RUNDC3B: variants seen among roughly 807,000 people sequenced by gnomAD.
The protein encoded by RUNDC3B is RUN domain containing 3B, also known as RUN domain-containing protein 3B.
Under a neutral mutation model 58.4 loss-of-function variants are expected in RUNDC3B, and 33 were observed. The observed-to-expected ratio is 0.56, with a 90% CI of 0.43 to 0.75. The LOEUF is 0.75. RUNDC3B is among the 30% of genes least tolerant of loss of function. The pLI is 0.00. For synonymous variants in RUNDC3B, 193 were observed against 195.2 expected, an observed-to-expected ratio of 0.99 and a Z score of 0.10; for missense variants, 501 against 535.7, an observed-to-expected ratio of 0.94 and a Z score of 0.64.
At chr7:87,748,285 G>T (rs935120000) in intron 6 of RUNDC3B, among the ~76,000 whole-genome samples, 4 of 152,144 alleles carry the variant, frequency 2.6e-5, no homozygotes, top group Non-Finnish European at 2.9e-5. Flanking sequence ...GGAGAGGCGG[G>T]GTTCTCCCTT....
intron 2 of RUNDC3B, among the ~76,000 whole-genome samples, chr7:87,660,240 G>A (rs1824552115): frequency 6.6e-6 from 1 of 152,064 alleles, no homozygotes. Flanking sequence ...GTGAGTGAGT[G>A]TATTTGTGTG....
chr7:87,657,286 AAAC>A (rs1033545768), intron 2 of RUNDC3B, among the ~76,000 whole-genome samples: 2 of 152,164 alleles, frequency 1.3e-5, no homozygotes, highest in East Asian at 1.9e-4. Flanking sequence ...AAAGGGAAAA[AAAC>A]AACAACAATG....
At chr7:87,829,803 C>G in intron 10 of RUNDC3B, 82 bp from the exon 11 acceptor site, 1 of 1,041,712 alleles carries the variant, frequency 9.6e-7, no homozygotes, top group Non-Finnish European at 1.4e-6. Context: ...ATTGATTCTT[C>G]CAATTTCTAA....
chr7:87,683,818 A>G (rs1285536111), intron 2 of RUNDC3B, among the ~76,000 whole-genome samples: 3 of 152,230 alleles, frequency 2.0e-5, no homozygotes, highest in African/African-American at 7.2e-5. Flanking sequence ...GCTGGATGCA[A>G]GGTTGACACA....
intron 4 of RUNDC3B, among the ~76,000 whole-genome samples, chr7:87,729,743 G>A (rs137873549): frequency 6.6e-6 from 1 of 152,306 alleles, no homozygotes; most frequent in African/African-American, 2.4e-5. Flanking sequence ...ACACCAGCTA[G>A]TGCAGCCAAG....
intron 3 of RUNDC3B, among the ~76,000 whole-genome samples, chr7:87,703,885 C>CTTTTTT: frequency 4.6e-4 from 28 of 60,272 alleles, no homozygotes; most frequent in African/African-American, 7.5e-4. Context: ...TCAGTTTTTT[C>CTTTTTT]TTTTTTTTTT....
chr7:87,690,537 A>T (rs1380067091), intron 2 of RUNDC3B, among the ~76,000 whole-genome samples: 3 of 152,198 alleles, frequency 2.0e-5, no homozygotes, highest in African/African-American at 7.2e-5. Context: ...AAGAAAAGTT[A>T]TATATAGTAC....
intron 6 of RUNDC3B, among the ~76,000 whole-genome samples, chr7:87,750,469 G>A (rs1309032832): frequency 2.0e-5 from 3 of 151,702 alleles, no homozygotes; most frequent in Admixed American, 2.0e-4. Context: ...CTTCCACAAT[G>A]GTTGAACTAG....
At chr7:87,634,638 GA>G (rs920354293) in intron 1 of RUNDC3B, among the ~76,000 whole-genome samples, 4 of 143,990 alleles carry the variant, frequency 2.8e-5, no homozygotes, top group Non-Finnish European at 4.6e-5. Context: ...AAAAAAAAAA[GA>G]AAAAAAAAAG....
At position 87,628,559 on chromosome 7, in the gene RUNDC3B, C is replaced by G; in HGVS notation, c.-265C>G. ...CGCAGCCCGGCAGTCGGCGGCGCGC[C>G]GAGGGCGGAGGTGGTGCGTGCGTGC... On this transcript the variant is annotated 5_prime_UTR_variant, in exon 1 of 11. Coordinates refer to ENST00000394654, the MANE Select transcript of RUNDC3B (RefSeq NM_001134405.2). 3.2e-6 allele frequency: 1 copy of G among 316,298 alleles called. No homozygotes were observed. The highest frequency in any genetic ancestry group is 5.7e-6 in the Non-Finnish European group (1 of 176,946). The allele number at this position is 316,298 out of a possible 1,614,324, so 19.6% of individuals were successfully genotyped here. A position where few individuals can be genotyped will look rare whatever the true frequency, so the allele number is the denominator to read the frequency against.
intron 4 of RUNDC3B, among the ~76,000 whole-genome samples, chr7:87,718,939 A>G (rs574197952): frequency 6.6e-6 from 1 of 152,098 alleles, no homozygotes; most frequent in Non-Finnish European, 1.5e-5. Context: ...TGTAGATGAT[A>G]AGGTTTTGTA....
intron 8 of RUNDC3B, among the ~76,000 whole-genome samples, chr7:87,794,366 C>T (rs866543251): frequency 2.0e-5 from 3 of 152,004 alleles, no homozygotes; most frequent in Admixed American, 1.3e-4. Context: ...ACCCAGGAGG[C>T]GGAGGTTTCA....
Position 87,830,651 on chromosome 7 carries a change from AG to A in RUNDC3B, c.*622del, listed in dbSNP as rs1170643731. On this transcript the variant is annotated 3_prime_UTR_variant, in exon 11 of 11. Transcript: ENST00000394654. ...TCCATAGGAACATGCCTGTTTTGGT[AG>A]TTACTGACTTAATTTGTTAGTGCCA... is the stretch of plus-strand genomic sequence containing the variant. 2 of 151,814 alleles carry A rather than the reference AG, an allele frequency of 1.3e-5. No homozygotes were observed. The highest frequency in any genetic ancestry group is 2.9e-5 in the Non-Finnish European group (2 of 67,852). 9.4% of individuals were successfully genotyped at this position (151,814 alleles called of 1,614,324 possible).
rs536833011 is a variant in RUNDC3B, at chr7:87,779,467, T to C, written c.956+1512T>C. Among the ~76,000 whole-genome samples the C allele has an allele frequency of 6.6e-5, 10 of 152,328 alleles. No individual in the cohort carries two copies. The South Asian group carries it at 2.1e-3, about 32-fold the overall frequency. On this transcript the variant is annotated intron_variant, in intron 8 of 10. Transcript: ENST00000394654. ...TTACAACATAAGTAGTTATGTTCTATTGGGGATATGATACCCAGAGGCACA... is the reference window on the plus strand; with the variant it reads ...TTACAACATAAGTAGTTATGTTCTACTGGGGATATGATACCCAGAGGCACA...
At chr7:87,787,188 A>G (rs1159415188) in intron 8 of RUNDC3B, among the ~76,000 whole-genome samples, 2 of 152,208 alleles carry the variant, frequency 1.3e-5, no homozygotes, top group African/African-American at 4.8e-5. Flanking sequence ...TAAGAAATGC[A>G]GAACAGTGTG....
intron 2 of RUNDC3B, among the ~76,000 whole-genome samples, chr7:87,657,940 TAAAAC>T (rs1824281227): frequency 6.6e-6 from 1 of 152,136 alleles, no homozygotes. Context: ...AAAAGCTAGT[TAAAAC>T]AGAAGGTTTA....
intron 10 of RUNDC3B, among the ~76,000 whole-genome samples, chr7:87,821,817 C>T (rs962798532): frequency 1.3e-5 from 2 of 152,152 alleles, no homozygotes; most frequent in African/African-American, 4.8e-5. Flanking sequence ...ATAAATGGTG[C>T]TGGGAAAACT....
At chr7:87,672,875 C>G (rs1439453311) in intron 2 of RUNDC3B, among the ~76,000 whole-genome samples, 1 of 152,104 alleles carries the variant, frequency 6.6e-6, no homozygotes. Flanking sequence ...CTCCATGGGT[C>G]AAGTTGTTTC....
chr7:87,662,392 A>G (rs1191933177), intron 2 of RUNDC3B, among the ~76,000 whole-genome samples: 2 of 152,044 alleles, frequency 1.3e-5, no homozygotes, highest in Non-Finnish European at 2.9e-5. Context: ...CAGGTTTTAG[A>G]TTTCAGTATT....
Sources: allele counts gnomAD v4.1 joint callset (sites outside exome capture counted in the v4.1 genomes callset), GRCh38; gene constraint gnomAD v4.1.1; transcripts MANE v1.5; gene names NCBI Gene and HGNC (gene_info 2026-07-23, HGNC 2026-07-21).